Variants in ZNF521 observed in about 807,000 individuals in gnomAD.
ZNF521 encodes zinc finger protein 521, also known as LYST-interacting protein 3.
A neutral mutation model predicts 105.5 loss-of-function variants in ZNF521; 14 were observed. The ratio of observed to expected loss-of-function variants is 0.13; its 90% CI spans 0.09 to 0.21. The LOEUF (loss-of-function observed/expected upper bound fraction) is 0.21, where lower values mean the gene tolerates loss of function less well. Ranked by LOEUF, ZNF521 falls within the 10% of genes least tolerant of loss-of-function variation. The pLI is 1.00. For missense variants in ZNF521, 1,233 were observed against 1,629.7 expected (o/e 0.76, Z 4.19); for synonymous variants, 635 against 606.0 (o/e 1.05, Z -0.70).
intron 7 of ZNF521, among the ~76,000 whole-genome samples, chr18:25,087,839 G>A (rs1438916053): frequency 2.0e-5 from 3 of 152,222 alleles, no homozygotes; most frequent in Middle Eastern, 3.4e-3. Context: ...CCACTGACAC[G>A]TTATGACAAC....
At chr18:25,083,598 T>C (rs1171426026) in intron 7 of ZNF521, among the ~76,000 whole-genome samples, 1 of 152,204 alleles carries the variant, frequency 6.6e-6, no homozygotes, top group Non-Finnish European at 1.5e-5. Flanking sequence ...TTTATAACAA[T>C]TGATTACATA....
At chr18:25,148,167 TTAGA>T (rs765049484) in intron 5 of ZNF521, among the ~76,000 whole-genome samples, 3 of 152,150 alleles carry the variant, frequency 2.0e-5, no homozygotes, top group African/African-American at 4.8e-5. Flanking sequence ...GAAAAAAGAC[TTAGA>T]TAGGGAAATA....
chr18:25,100,055 T>C, intron 5 of ZNF521, among the ~76,000 whole-genome samples: 1 of 151,848 alleles, frequency 6.6e-6, no homozygotes. Flanking sequence ...GCTGAGTTTA[T>C]GGCAAGGGTC....
At chr18:25,292,740 C>A (rs1244799973) in intron 3 of ZNF521, among the ~76,000 whole-genome samples, 1 of 152,176 alleles carries the variant, frequency 6.6e-6, no homozygotes, top group Non-Finnish European at 1.5e-5. Context: ...CAAGCTACAA[C>A]TTTACTGGAC....
At chr18:25,117,895 A>T (rs981483010) in intron 5 of ZNF521, among the ~76,000 whole-genome samples, 1 of 152,096 alleles carries the variant, frequency 6.6e-6, no homozygotes, top group Non-Finnish European at 1.5e-5. Context: ...GAATCTCGCA[A>T]ACTCCAAGAA....
At chr18:25,317,890 A>C (rs7239180) in intron 3 of ZNF521, among the ~76,000 whole-genome samples, 36,672 of 152,074 alleles carry the variant, frequency 0.24, 5,019 homozygotes, top group South Asian at 0.36. Flanking sequence ...GGAGTTTTTG[A>C]AAAAGGGTTT....
At chr18:25,335,145 G>A (rs1016308485) in intron 2 of ZNF521, among the ~76,000 whole-genome samples, 4 of 152,204 alleles carry the variant, frequency 2.6e-5, no homozygotes, top group Non-Finnish European at 4.4e-5. Context: ...TCTCAGAGCA[G>A]TGAGCCTGTA....
intron 3 of ZNF521, among the ~76,000 whole-genome samples, chr18:25,234,905 T>C (rs1906780190): frequency 6.6e-6 from 1 of 152,208 alleles, no homozygotes; most frequent in South Asian, 2.1e-4. Context: ...TGATAGACAA[T>C]ATTATCATTA....
intron 3 of ZNF521, among the ~76,000 whole-genome samples, chr18:25,244,888 T>C (rs969737187): frequency 1.3e-5 from 2 of 152,226 alleles, no homozygotes; most frequent in African/African-American, 4.8e-5. Context: ...ACCAACCTTA[T>C]ATATTTAAAT....
chr18:25,220,877 T>C (rs1427616078), intron 4 of ZNF521, among the ~76,000 whole-genome samples: 1 of 152,182 alleles, frequency 6.6e-6, no homozygotes, highest in African/African-American at 2.4e-5. Flanking sequence ...GAGTAGACAG[T>C]GCCCATGAAC....
intron 4 of ZNF521, among the ~76,000 whole-genome samples, chr18:25,218,382 G>C (rs1389685987): frequency 6.6e-6 from 1 of 151,508 alleles, no homozygotes; most frequent in Admixed American, 6.6e-5. Flanking sequence ...CAGTTGGCTG[G>C]GTGCAGTGAC....
At chr18:25,215,801 C>T (rs80309523) in intron 4 of ZNF521, among the ~76,000 whole-genome samples, 5,358 of 152,136 alleles carry the variant, frequency 0.035, 133 homozygotes, top group South Asian at 0.077. Flanking sequence ...GGGTAGAAAG[C>T]GTGGATGCAA....
intron 4 of ZNF521, among the ~76,000 whole-genome samples, chr18:25,223,291 G>T (rs2144723789): frequency 6.6e-6 from 1 of 152,318 alleles, no homozygotes; most frequent in African/African-American, 2.4e-5. Flanking sequence ...TTGGGAGTTT[G>T]CCTGCCACAC....
At chr18:25,243,516 A>T (rs540705855) in intron 3 of ZNF521, among the ~76,000 whole-genome samples, 7 of 152,372 alleles carry the variant, frequency 4.6e-5, no homozygotes, top group African/African-American at 1.7e-4. Flanking sequence ...TATCAGCAGA[A>T]GATCTGGTGT....
chr18:25,216,927 A>G (rs1052925157), intron 4 of ZNF521, among the ~76,000 whole-genome samples: 1 of 152,190 alleles, frequency 6.6e-6, no homozygotes, highest in Non-Finnish European at 1.5e-5. Flanking sequence ...GTTTTCAGGA[A>G]GGCCAACCTG....
Position 25,301,174 on chromosome 18 carries a change from A to G in ZNF521, c.220+20834T>C, listed in dbSNP as rs140308882. Among the ~76,000 whole-genome samples, 908 of 152,334 alleles carry G rather than the reference A, an allele frequency of 6.0e-3. 10 individuals are homozygous for G. The highest frequency in any genetic ancestry group is 0.02 in the African/African-American group (852 of 41,578). On this transcript the variant is annotated intron_variant, in intron 3 of 7. Coordinates refer to ENST00000361524, the MANE Select transcript of ZNF521 (RefSeq NM_015461.3). ...CATTAGAGATGTATTTAAATCTGGA[A>G]AGGGGTCTCACACAGGAGTAGAGAA...
intron 5 of ZNF521, among the ~76,000 whole-genome samples, chr18:25,181,097 G>A (rs1018502760): frequency 1.4e-4 from 22 of 152,080 alleles, no homozygotes; most frequent in Admixed American, 1.2e-3. Flanking sequence ...CTGCACCCAC[G>A]GCAGTGATCC....
At chr18:25,194,010 A>C (rs994571672) in intron 5 of ZNF521, among the ~76,000 whole-genome samples, 1 of 151,852 alleles carries the variant, frequency 6.6e-6, no homozygotes, top group Non-Finnish European at 1.5e-5. Context: ...ATCTTCATTA[A>C]TTTATATAAG....
chr18:25,275,329 C>A (rs553915750), intron 3 of ZNF521, among the ~76,000 whole-genome samples: 1 of 152,240 alleles, frequency 6.6e-6, no homozygotes, highest in African/African-American at 2.4e-5. Flanking sequence ...CCAAGGACAT[C>A]ACTAAAAGGG....
Sources: allele counts gnomAD v4.1 joint callset (sites outside exome capture counted in the v4.1 genomes callset), GRCh38; gene constraint gnomAD v4.1.1; transcripts MANE v1.5; gene names NCBI Gene and HGNC (gene_info 2026-07-23, HGNC 2026-07-21).